The following DGKI variants were observed in gnomAD, a reference collection of about 807,000 sequenced individuals.
DGKI encodes diacylglycerol kinase iota.
A neutral mutation model predicts 147.5 loss-of-function variants in DGKI; 55 were observed. The observed-to-expected ratio is 0.37, with a 90% CI of 0.30 to 0.47. The LOEUF (loss-of-function observed/expected upper bound fraction) is 0.47. Among genes scored for constraint, DGKI ranks in the 20% least tolerant of loss-of-function variants. The probability of loss-of-function intolerance (pLI) is 1.00; values close to 1 mark genes in which losing one functional copy is unlikely to be tolerated. For missense variants in DGKI, 1,007 were observed against 1,323.8 expected (o/e 0.76, Z 3.71); for synonymous variants, 469 against 477.1 (o/e 0.98, Z 0.22).
chr7:137,696,912 G>C (rs1823809733), intron 1 of DGKI, among the ~76,000 whole-genome samples: 2 of 152,160 alleles, frequency 1.3e-5, no homozygotes, highest in South Asian at 4.1e-4. Context: ...AAAAAGGGGA[G>C]ATTTGGACCC....
intron 1 of DGKI, among the ~76,000 whole-genome samples, chr7:137,801,878 C>A (rs1451704042): frequency 6.6e-6 from 1 of 152,170 alleles, no homozygotes; most frequent in African/African-American, 2.4e-5. Flanking sequence ...CATGTGCCCC[C>A]CTGCCCCATC....
intron 6 of DGKI, among the ~76,000 whole-genome samples, chr7:137,629,407 G>A (rs1050030243): frequency 6.6e-6 from 1 of 152,166 alleles, no homozygotes; most frequent in East Asian, 1.9e-4. Flanking sequence ...ACACACTAGT[G>A]TCAAGACAAT....
At chr7:137,691,798 G>GTTTTTTTTT (rs796902464) in intron 1 of DGKI, among the ~76,000 whole-genome samples, 9 of 95,820 alleles carry the variant, frequency 9.4e-5, no homozygotes, top group South Asian at 5.3e-4. Flanking sequence ...AGACCTTTGG[G>GTTTTTTTTT]TTTTTTTTTT....
intron 21 of DGKI, among the ~76,000 whole-genome samples, chr7:137,508,219 C>CT (rs1171968411): frequency 0.037 from 3,442 of 92,580 alleles, 385 homozygotes; most frequent in African/African-American, 0.044. Context: ...AGACAGGTTT[C>CT]TTTTTTTTTT....
At chr7:137,707,157 C>G (rs1029334757) in intron 1 of DGKI, among the ~76,000 whole-genome samples, 5 of 152,192 alleles carry the variant, frequency 3.3e-5, no homozygotes, top group African/African-American at 1.2e-4. Context: ...ACCACTCCTC[C>G]CTTAGACCTG....
intron 21 of DGKI, among the ~76,000 whole-genome samples, chr7:137,518,211 T>A (rs544573192): frequency 6.6e-6 from 1 of 152,118 alleles, no homozygotes; most frequent in Non-Finnish European, 1.5e-5. Context: ...GGGTTCCATA[T>A]ACAGCATTAC....
chr7:137,796,585 C>T (rs769837184), intron 1 of DGKI, among the ~76,000 whole-genome samples: 2 of 151,612 alleles, frequency 1.3e-5, no homozygotes, highest in Non-Finnish European at 2.9e-5. Flanking sequence ...TGATGTCTCA[C>T]CAAATAGACA....
chr7:137,400,775 G>T (rs748341349), intron 30 of DGKI, among the ~76,000 whole-genome samples: 1 of 152,160 alleles, frequency 6.6e-6, no homozygotes, highest in Non-Finnish European at 1.5e-5. Context: ...CCATTAAAAG[G>T]TTTGGGGAAT....
intron 6 of DGKI, among the ~76,000 whole-genome samples, chr7:137,635,496 G>A (rs1821277136): frequency 2.0e-5 from 3 of 152,096 alleles, no homozygotes; most frequent in Admixed American, 2.0e-4. Flanking sequence ...ACTATGCAAG[G>A]GCTTACGAAA....
intron 1 of DGKI, among the ~76,000 whole-genome samples, chr7:137,736,609 AC>A (rs1324719532): frequency 6.6e-5 from 10 of 152,182 alleles, no homozygotes; most frequent in Admixed American, 2.0e-4. Context: ...TCAAACAACC[AC>A]CCCACAAATT....
At chr7:137,773,521 T>C (rs1416131350) in intron 1 of DGKI, among the ~76,000 whole-genome samples, 2 of 152,118 alleles carry the variant, frequency 1.3e-5, no homozygotes, top group African/African-American at 4.8e-5. Context: ...CACACAGGAA[T>C]TGAGAGACAA....
Position 137,578,273 on chromosome 7 carries a change from T to G in DGKI, c.1695A>C (p.Ala565=). The G allele has an allele frequency of 6.2e-7, 1 of 1,607,138 alleles. No homozygotes were observed. The highest frequency in any genetic ancestry group is 1.1e-5 in the South Asian group (1 of 90,920). ...ATGAAATAAAATGTATACCTACCCC[T>G]GCATAGAACATTTTATTTCGAAAAC... is the stretch of plus-strand genomic sequence containing the variant. ...NSRFRNKMFY[A]GAAFSDFLQR... Residue 565 remains alanine (A), a synonymous_variant, in exon 16 of 33, where the codon GCA becomes GCC. Transcript: ENST00000614521.
intron 30 of DGKI, among the ~76,000 whole-genome samples, chr7:137,405,377 G>T (rs924679253): frequency 1.3e-5 from 2 of 152,022 alleles, no homozygotes; most frequent in Non-Finnish European, 2.9e-5. Context: ...CAAGTAGCTG[G>T]GACTATGGGC....
intron 29 of DGKI, among the ~76,000 whole-genome samples, chr7:137,410,581 A>G (rs181569013): frequency 1.3e-5 from 2 of 152,358 alleles, no homozygotes; most frequent in Non-Finnish European, 2.9e-5. Flanking sequence ...GGATATAGTG[A>G]TTTCCCACAT....
At chr7:137,518,626 G>A (rs1816860255) in intron 21 of DGKI, among the ~76,000 whole-genome samples, 1 of 152,022 alleles carries the variant, frequency 6.6e-6, no homozygotes, top group African/African-American at 2.4e-5. Context: ...TACTGCTTGT[G>A]TTTTAAACCC....
At chr7:137,730,321 G>A (rs1479990412) in intron 1 of DGKI, among the ~76,000 whole-genome samples, 2 of 152,002 alleles carry the variant, frequency 1.3e-5, no homozygotes, top group Admixed American at 6.6e-5. Flanking sequence ...TAATGGTACC[G>A]TGGTTCACCT....
At chr7:137,708,011 C>T (rs2116547748) in intron 1 of DGKI, among the ~76,000 whole-genome samples, 1 of 152,296 alleles carries the variant, frequency 6.6e-6, no homozygotes, top group East Asian at 1.9e-4. Context: ...TTTCAATTAT[C>T]TGAGCCTGAC....
intron 27 of DGKI, among the ~76,000 whole-genome samples, chr7:137,452,611 G>C (rs546752873): frequency 1.3e-4 from 20 of 152,222 alleles, no homozygotes; most frequent in African/African-American, 4.6e-4. Flanking sequence ...CCTCTTTACT[G>C]TCTAGCTTTG....
chr7:137,581,582 G>A (rs780384551), intron 15 of DGKI, among the ~76,000 whole-genome samples: 2 of 152,006 alleles, frequency 1.3e-5, no homozygotes, highest in Non-Finnish European at 2.9e-5. Flanking sequence ...CCAAGACCTG[G>A]AACACACATC....
Sources: gnomAD v4.1 joint callset for allele counts (sites outside exome capture counted in the v4.1 genomes callset) on GRCh38, gnomAD v4.1.1 for gene constraint, MANE v1.5 for transcripts, NCBI Gene and HGNC (gene_info 2026-07-23, HGNC 2026-07-21) for gene names.